SH3BP5: variants seen among roughly 807,000 people sequenced by gnomAD.
SH3BP5 encodes SH3 domain binding protein 5, also known as SH3 domain-binding protein 5.
In SH3BP5, 22 loss-of-function variants were observed where a neutral mutation model predicts 43.3. That is an observed-to-expected ratio of 0.51 (90% CI 0.36 to 0.73). The LOEUF (loss-of-function observed/expected upper bound fraction) is 0.73, where lower values mean the gene tolerates loss of function less well. SH3BP5 is among the 30% of genes least tolerant of loss of function. SH3BP5 has a pLI of 0.00. For synonymous variants in SH3BP5, 255 were observed against 225.8 expected, an observed-to-expected ratio of 1.13 and a Z score of -1.16; for missense variants, 529 against 586.9, an observed-to-expected ratio of 0.90 and a Z score of 1.02.
intron 3 of SH3BP5, among the ~76,000 whole-genome samples, chr3:15,283,414 T>C (rs535112407): frequency 3.3e-5 from 5 of 152,164 alleles, no homozygotes; most frequent in Non-Finnish European, 5.9e-5. Context: ...GGAAAAGAAA[T>C]ATCTAAGATT....
At chr3:15,293,540 G>C (rs1319477175) in intron 3 of SH3BP5, among the ~76,000 whole-genome samples, 1 of 152,198 alleles carries the variant, frequency 6.6e-6, no homozygotes, top group South Asian at 2.1e-4. Flanking sequence ...AAGAGGCAGG[G>C]GTGTGCAGGG....
In SH3BP5 at chr3:15,258,361, GT is replaced by G. The variant is rs562048054; in HGVS notation, c.889+469del. Among the ~76,000 whole-genome samples, 285 of 152,226 alleles carry G rather than the reference GT, an allele frequency of 1.9e-3. 2 individuals are homozygous for G. Among genetic ancestry groups the G allele is most frequent in the African/African-American group, 6.7e-3 (277 of 41,538 alleles). On this transcript the variant is annotated intron_variant, in intron 7 of 8. Coordinates refer to ENST00000383791, the MANE Select transcript of SH3BP5 (RefSeq NM_004844.5). ...GCTGAGTGCTTCTTGGGTGTCAGGGGTTGATTCATGTAAGCTGAACCACCAC... is the reference window on the plus strand; with the variant it reads ...GCTGAGTGCTTCTTGGGTGTCAGGGGTGATTCATGTAAGCTGAACCACCAC...
chr3:15,272,561 A>ACCTC (rs1559432648), intron 3 of SH3BP5, among the ~76,000 whole-genome samples: 1 of 125,586 alleles, frequency 8.0e-6, no homozygotes, highest in African/African-American at 4.6e-5. Context: ...CCTGTAGGAT[A>ACCTC]AAGACATTAC....
At chr3:15,304,446 G>T in intron 2 of SH3BP5, 1 of 721,856 alleles carries the variant, frequency 1.4e-6, no homozygotes, top group Non-Finnish European at 2.4e-6. Flanking sequence ...GCAGTGTGGC[G>T]GCCACCAGCC....
At chr3:15,269,402 C>G (rs2279739) in intron 4 of SH3BP5, among the ~76,000 whole-genome samples, 17,340 of 152,158 alleles carry the variant, frequency 0.11, 2,671 homozygotes, top group African/African-American at 0.35. Flanking sequence ...TGGGAGCAAA[C>G]CCTGGAAAAC....
chr3:15,259,045 C>A lies in SH3BP5; in HGVS notation c.675G>T (p.Leu225=), dbSNP rs1288784248. Residue 225 remains leucine (L), a synonymous_variant, in exon 7 of 9, where the codon CTG becomes CTT. Transcript: ENST00000383791. ...KAKYYVQLEQ[L]KKTVDDLQAK... ...CCTGCAGGTCATCCACAGTCTTTTT[C>A]AGTTGCTGATCAAGAGAACAGGAGA... 1.2e-6 allele frequency: 2 copies of A among 1,614,002 alleles called. No individual in the cohort carries two copies. Among genetic ancestry groups the A allele is most frequent in the Non-Finnish European group, 1.7e-6 (2 of 1,179,846 alleles).
At position 15,256,205 on chromosome 3, in the gene SH3BP5, G is replaced by T. The variant is rs1344802678; in HGVS notation, c.1249C>A (p.Gln417Lys). The change falls in exon 9 of 9, where the codon CAA becomes AAA. Residue 417 changes from glutamine (Q) to lysine (K), a missense_variant. Physicochemically the swap from Gln to Lys is moderately conservative, Grantham distance 53. Around this residue, in one of 3 missense-constraint regions of SH3BP5, gnomAD observed 369 missense variants for 384.3 expected, o/e 0.96. Coordinates refer to ENST00000383791, the MANE Select transcript of SH3BP5 (RefSeq NM_004844.5). ...TGGCCCTCAGGGGAGGTGCTGCTTT[G>T]GCTCTTACTGCTGCCACCACTGCCA... Reference protein sequence around the residue: ...SSGSGGSSKSQSSTSPEGQAL... With the variant: ...SSGSGGSSKSKSSTSPEGQAL... 7.4e-6 allele frequency: 12 copies of T among 1,614,050 alleles called. No homozygotes were observed. The highest frequency in any genetic ancestry group is 1.0e-5 in the Non-Finnish European group (12 of 1,180,036).
intron 5 of SH3BP5, chr3:15,260,700 A>G (rs1443808394): frequency 6.6e-6 from 1 of 152,178 alleles, no homozygotes; most frequent in Non-Finnish European, 1.5e-5. Flanking sequence ...GGGCACAGGG[A>G]AGATGTCCCA....
intron 3 of SH3BP5, among the ~76,000 whole-genome samples, chr3:15,300,510 G>A (rs1004552831): frequency 6.9e-6 from 1 of 145,920 alleles, no homozygotes; most frequent in East Asian, 2.1e-4. Flanking sequence ...GCGGGGGCGG[G>A]GGGACAAGAG....
At chr3:15,325,894 C>T (rs1304826688) in intron 2 of SH3BP5, among the ~76,000 whole-genome samples, 3 of 152,118 alleles carry the variant, frequency 2.0e-5, no homozygotes, top group East Asian at 3.8e-4. Flanking sequence ...TGGTGTGAGC[C>T]TTTGGTCCTG....
chr3:15,256,330 G>A, intron 8 of SH3BP5, 27 bp from the exon 9 acceptor site: 1 of 1,600,972 alleles, frequency 6.2e-7, no homozygotes, highest in South Asian at 1.1e-5. Context: ...ATTATCAAAA[G>A]TGAGTATTGA....
At chr3:15,277,835 C>T (rs1697014631) in intron 3 of SH3BP5, among the ~76,000 whole-genome samples, 1 of 152,176 alleles carries the variant, frequency 6.6e-6, no homozygotes, top group Non-Finnish European at 1.5e-5. Flanking sequence ...TTGGCCAAAG[C>T]AATGATGGAG....
intron 2 of SH3BP5, among the ~76,000 whole-genome samples, chr3:15,312,986 G>A (rs1005838180): frequency 1.3e-5 from 2 of 152,194 alleles, no homozygotes; most frequent in Non-Finnish European, 2.9e-5. Context: ...GCTCACGCCT[G>A]TAATCCCAGC....
upstream of SH3BP5, among the ~76,000 whole-genome samples, chr3:15,337,099 T>G (rs1698709880): frequency 1.3e-5 from 2 of 148,650 alleles, 1 homozygote; most frequent in South Asian, 4.3e-4. Context: ...TTTTTTTTTT[T>G]TTTTTTTTGG....
upstream of SH3BP5, among the ~76,000 whole-genome samples, chr3:15,334,289 A>G (rs1482434967): frequency 2.0e-5 from 3 of 152,222 alleles, no homozygotes; most frequent in Non-Finnish European, 4.4e-5. Flanking sequence ...TTCTAAAGAT[A>G]AAATGAGAAA....
intron 3 of SH3BP5, among the ~76,000 whole-genome samples, chr3:15,294,932 T>C (rs1308374028): frequency 6.6e-6 from 1 of 152,102 alleles, no homozygotes; most frequent in African/African-American, 2.4e-5. Flanking sequence ...CTGGCTTCCT[T>C]ACCCAAGTTC....
chr3:15,271,930 C>T (rs1054257956), intron 3 of SH3BP5, among the ~76,000 whole-genome samples: 13 of 152,156 alleles, frequency 8.5e-5, no homozygotes, highest in African/African-American at 2.9e-4. Context: ...ACAAACCCGC[C>T]TCTGCAGCGT....
upstream of SH3BP5, among the ~76,000 whole-genome samples, chr3:15,334,169 CA>C (rs752748753): frequency 2.0e-5 from 3 of 152,220 alleles, no homozygotes; most frequent in Non-Finnish European, 2.9e-5. Context: ...AGGTCAAGAG[CA>C]AAATACATCT....
In SH3BP5 at chr3:15,274,533, G is replaced by A. The variant is rs1055414310; in HGVS notation, c.331-4656C>T. 1.6e-4 allele frequency among the ~76,000 whole-genome samples: 24 copies of A among 151,934 alleles called. No individual in the cohort carries two copies. In the East Asian group the frequency reaches 3.3e-3, roughly 21 times the overall value. On this transcript the variant is annotated intron_variant, in intron 3 of 8. Coordinates refer to ENST00000383791, the MANE Select transcript of SH3BP5 (RefSeq NM_004844.5). ...GTCTGAGACTGAATCTCACTCTATC[G>A]CCCAGGCTGGAGTATAGTGGTGCGA... is the stretch of plus-strand genomic sequence containing the variant.
Sources: allele counts gnomAD v4.1 joint callset (sites outside exome capture counted in the v4.1 genomes callset), GRCh38; gene constraint gnomAD v4.1.1; regional missense constraint gnomAD v4.1.1; transcripts MANE v1.5; gene names NCBI Gene and HGNC (gene_info 2026-07-23, HGNC 2026-07-21).